Variants in EML6 observed in about 807,000 individuals in gnomAD.
The protein encoded by EML6 is EMAP like 6.
Under a neutral mutation model 240.1 loss-of-function variants are expected in EML6, and 154 were observed. The ratio of observed to expected loss-of-function variants is 0.64; its 90% CI spans 0.56 to 0.73. EML6 has a LOEUF of 0.73. Ranked by LOEUF, EML6 falls within the 30% of genes least tolerant of loss-of-function variation. The pLI, the probability that EML6 is intolerant of heterozygous loss-of-function variation, is 0.00. For missense variants in EML6, 2,964 were observed against 2,474.6 expected, an observed-to-expected ratio of 1.20 and a Z score of -4.20; for synonymous variants, 1,148 against 899.0, an observed-to-expected ratio of 1.28 and a Z score of -4.95.
intron 28 of EML6, among the ~76,000 whole-genome samples, chr2:54,935,836 G>C (rs1391998974): frequency 6.6e-6 from 1 of 152,112 alleles, no homozygotes; most frequent in South Asian, 2.1e-4. Flanking sequence ...AGATGAGCCT[G>C]GGCAACATAA....
intron 12 of EML6, among the ~76,000 whole-genome samples, chr2:54,861,699 T>C (rs987760075): frequency 6.6e-6 from 1 of 151,804 alleles, no homozygotes; most frequent in Non-Finnish European, 1.5e-5. Context: ...CTTAAAACCA[T>C]TGGCCAGTCA....
chr2:54,849,819 T>C, intron 9 of EML6, 143 bp from the exon 10 acceptor site: 1 of 701,808 alleles, frequency 1.4e-6, no homozygotes, highest in Non-Finnish European at 2.3e-6. Context: ...TAACATTTTA[T>C]ATATTTACTC....
At chr2:54,788,961 C>T (rs1340198542) in intron 2 of EML6, among the ~76,000 whole-genome samples, 1 of 152,202 alleles carries the variant, frequency 6.6e-6, no homozygotes. Context: ...CCTTCTCCAT[C>T]CGCCCCACCC....
intron 24 of EML6, among the ~76,000 whole-genome samples, chr2:54,906,112 C>T (rs145946460): frequency 1.9e-4 from 29 of 152,278 alleles, no homozygotes; most frequent in African/African-American, 5.1e-4. Context: ...TACTGTTTTC[C>T]ATAGCAGCTC....
chr2:54,765,722 A>G (rs1338046808), intron 2 of EML6, among the ~76,000 whole-genome samples: 1 of 152,196 alleles, frequency 6.6e-6, no homozygotes, highest in Admixed American at 6.5e-5. Flanking sequence ...GGCCTCCCAA[A>G]GTGCTGGGAT....
chr2:54,837,912 G>C (rs552612121), intron 7 of EML6, among the ~76,000 whole-genome samples: 6 of 152,160 alleles, frequency 3.9e-5, no homozygotes, highest in African/African-American at 1.4e-4. Flanking sequence ...ACCATATCAG[G>C]CCTTGGAACA....
At chr2:54,746,213 AGAGTT>A (rs1683902831) in intron 2 of EML6, among the ~76,000 whole-genome samples, 1 of 152,258 alleles carries the variant, frequency 6.6e-6, no homozygotes, top group African/African-American at 2.4e-5. Flanking sequence ...GGAAGATTTA[AGAGTT>A]GTCTTGCTAA....
At chr2:54,967,238 G>C in intron 39 of EML6, 135 bp downstream of exon 39, 1 of 607,400 alleles carries the variant, frequency 1.6e-6, no homozygotes, top group Non-Finnish European at 2.9e-6. Context: ...GGGGGTGAGG[G>C]TGGGAGGCTT....
intron 2 of EML6, among the ~76,000 whole-genome samples, chr2:54,729,969 C>G (rs1205122029): frequency 6.6e-6 from 1 of 152,082 alleles, no homozygotes; most frequent in Non-Finnish European, 1.5e-5. Context: ...AACCCCATCT[C>G]TACAGAAAAT....
At chr2:54,938,356 T>C (rs1675259419) in intron 28 of EML6, among the ~76,000 whole-genome samples, 1 of 152,174 alleles carries the variant, frequency 6.6e-6, no homozygotes, top group Non-Finnish European at 1.5e-5. Flanking sequence ...CAGAAAGCTA[T>C]AGATACAGTT....
At chr2:54,805,369 A>G (rs186125796) in intron 2 of EML6, among the ~76,000 whole-genome samples, 30 of 152,318 alleles carry the variant, frequency 2.0e-4, no homozygotes, top group Non-Finnish European at 1.8e-4. Flanking sequence ...TTTATAAGCA[A>G]CTGCCAAAAG....
At position 54,964,617 on chromosome 2, in the gene EML6, A is replaced by C; in HGVS notation, c.5377A>C (p.Thr1793Pro). The change falls in exon 38 of 42, where the codon ACA becomes CCA. Residue 1793 changes from threonine (T) to proline (P), a missense_variant. Physicochemically the swap from Thr to Pro is conservative, Grantham distance 38. Transcript: ENST00000356458. ...CTTAGCCGTTGGTTCTTCTGAACAC[A>C]CAGTTGACTTCTATGACCTCACTCA... ...RFLAVGSSEH[T>P]VDFYDLTQGT... The C allele has an allele frequency of 6.4e-7, 1 of 1,552,418 alleles. No individual in the cohort carries two copies. Among genetic ancestry groups the C allele is most frequent in the Non-Finnish European group, 8.7e-7 (1 of 1,147,134 alleles).
intron 10 of EML6, among the ~76,000 whole-genome samples, chr2:54,851,053 G>T (rs879848125): frequency 6.6e-6 from 1 of 152,156 alleles, no homozygotes. Flanking sequence ...AACAATGCAT[G>T]GGAATGATAC....
At chr2:54,919,567 C>A (rs757341687) in intron 26 of EML6, among the ~76,000 whole-genome samples, 1 of 152,164 alleles carries the variant, frequency 6.6e-6, no homozygotes, top group Non-Finnish European at 1.5e-5. Context: ...TGATCTGTCA[C>A]TTACCAGCCC....
At chr2:54,786,949 T>C (rs1462014441) in intron 2 of EML6, among the ~76,000 whole-genome samples, 1 of 152,192 alleles carries the variant, frequency 6.6e-6, no homozygotes. Flanking sequence ...GACTCTTTGT[T>C]TGACTCCCAG....
intron 16 of EML6, among the ~76,000 whole-genome samples, chr2:54,873,133 A>G (rs1053860852): frequency 1.3e-5 from 2 of 152,230 alleles, no homozygotes; most frequent in African/African-American, 4.8e-5. Context: ...CTAGAATTTT[A>G]CATTATAAAC....
chr2:54,813,765 G>C (rs1353913591), intron 3 of EML6, among the ~76,000 whole-genome samples: 2 of 152,160 alleles, frequency 1.3e-5, no homozygotes. Context: ...CATGTCTGTA[G>C]TACCTCTTGC....
At chr2:54,826,463 G>A (rs1359231733) in intron 5 of EML6, among the ~76,000 whole-genome samples, 7 of 152,138 alleles carry the variant, frequency 4.6e-5, no homozygotes, top group South Asian at 2.1e-4. Context: ...AGCTGGGTGC[G>A]GAGGCACATG....
At chr2:54,958,035 A>T in intron 33 of EML6, 37 bp downstream of exon 33, 4 of 1,519,668 alleles carry the variant, frequency 2.6e-6, no homozygotes, top group Non-Finnish European at 3.6e-6. Context: ...AAGGGGACCC[A>T]GACCCCCTGG....
Sources: gnomAD v4.1 joint callset for allele counts (sites outside exome capture counted in the v4.1 genomes callset) on GRCh38, gnomAD v4.1.1 for gene constraint, MANE v1.5 for transcripts, NCBI Gene and HGNC (gene_info 2026-07-23, HGNC 2026-07-21) for gene names.